Variants in CARMIL1 observed in about 807,000 individuals in gnomAD.
CARMIL1 encodes F-actin-uncapping protein LRRC16A.
Under a neutral mutation model 177.1 loss-of-function variants are expected in CARMIL1, and 90 were observed. The ratio of observed to expected loss-of-function variants is 0.51; its 90% CI spans 0.43 to 0.61. CARMIL1 has a LOEUF of 0.61. Among genes scored for constraint, CARMIL1 ranks in the 20% least tolerant of loss-of-function variants. The pLI, the probability that CARMIL1 is intolerant of heterozygous loss-of-function variation, is 0.00. For missense variants in CARMIL1, 1,380 were observed against 1,667.0 expected (o/e 0.83, Z 3.00); for synonymous variants, 577 against 606.2 (o/e 0.95, Z 0.71).
intron 2 of CARMIL1, among the ~76,000 whole-genome samples, chr6:25,411,118 A>G (rs914664073): frequency 1.1e-4 from 17 of 152,196 alleles, no homozygotes; most frequent in African/African-American, 4.1e-4. Context: ...CTGTGACTCT[A>G]TTACTTGTGA....
chr6:25,577,461 T>A lies in CARMIL1; in HGVS notation c.2743-3463T>A, dbSNP rs1258267386. 6.6e-6 allele frequency among the ~76,000 whole-genome samples: 1 copy of A among 152,102 alleles called. No individual in the cohort carries two copies. Among genetic ancestry groups the A allele is most frequent in the Non-Finnish European group, 1.5e-5 (1 of 68,018 alleles). On this transcript the variant is annotated intron_variant, in intron 29 of 36. Coordinates refer to ENST00000329474, the MANE Select transcript of CARMIL1 (RefSeq NM_017640.6). This position sits in a 1 kb window ranked among gnomAD's most constrained non-coding sequence, Gnocchi z 4.5. The stretch of plus-strand genomic sequence containing the variant: ...AGCTGGTATTGTTATTTTTTTTTTC[T>A]TTCTACAGCCTTGGTGGTGGGGGGA...
At chr6:25,466,743 A>G (rs566932640) in intron 9 of CARMIL1, among the ~76,000 whole-genome samples, 9 of 152,246 alleles carry the variant, frequency 5.9e-5, no homozygotes, top group Non-Finnish European at 8.8e-5. Context: ...GAGACTGGCT[A>G]GTGGGCAGGC....
chr6:25,456,544 C>CA (rs35153553), intron 8 of CARMIL1, among the ~76,000 whole-genome samples: 1 of 151,620 alleles, frequency 6.6e-6, no homozygotes, highest in African/African-American at 2.4e-5. Context: ...ATCAGTAGGC[C>CA]AAAAAAAGGC....
chr6:25,528,719 C>T lies in CARMIL1; in HGVS notation c.1969-76C>T, dbSNP rs1807410712. 20 of 1,102,964 alleles carry T rather than the reference C, an allele frequency of 1.8e-5. 1 individual carries two copies. In the South Asian group the frequency reaches 2.7e-4, roughly 15 times the overall value. The allele number at this position is 1,102,964 out of a possible 1,614,324, so 68.3% of individuals were successfully genotyped here. A position where few individuals can be genotyped will look rare whatever the true frequency, so the allele number is the denominator to read the frequency against. On this transcript the variant is annotated intron_variant, in intron 23 of 36. Transcript: ENST00000329474. ...ACGCTTCGGTTTTTAAGTTCGGCAA[C>T]TGACTGTTTCACTTATACTTTATTC... is the stretch of plus-strand genomic sequence containing the variant.
At chr6:25,413,530 C>T (rs376442249) in intron 2 of CARMIL1, among the ~76,000 whole-genome samples, 4 of 152,180 alleles carry the variant, frequency 2.6e-5, no homozygotes, top group East Asian at 3.8e-4. Flanking sequence ...ATAGGCTTCT[C>T]TGCTAAACTG....
At chr6:25,327,528 T>C (rs9356976) in intron 2 of CARMIL1, among the ~76,000 whole-genome samples, 40,492 of 151,892 alleles carry the variant, frequency 0.27, 5,745 homozygotes, top group African/African-American at 0.38. Flanking sequence ...TTCCAAACAG[T>C]AAGTTTTCAT....
chr6:25,542,916 TG>T (rs1334002068), intron 26 of CARMIL1, among the ~76,000 whole-genome samples: 3 of 152,234 alleles, frequency 2.0e-5, no homozygotes, highest in Non-Finnish European at 4.4e-5. Flanking sequence ...TGGCTGTTAC[TG>T]AATTCACTAC....
At chr6:25,529,639 A>G (rs1582259648) in intron 24 of CARMIL1, among the ~76,000 whole-genome samples, 1 of 151,416 alleles carries the variant, frequency 6.6e-6, no homozygotes, top group African/African-American at 2.4e-5. Flanking sequence ...TACATCCATA[A>G]AATAAGAATA....
intron 2 of CARMIL1, among the ~76,000 whole-genome samples, chr6:25,319,667 A>G (rs1784536866): frequency 6.6e-6 from 1 of 151,862 alleles, no homozygotes; most frequent in African/African-American, 2.4e-5. Flanking sequence ...TCAAAGGAGT[A>G]GATGACTCCT....
intron 23 of CARMIL1, among the ~76,000 whole-genome samples, chr6:25,526,466 C>T (rs547364527): frequency 6.6e-5 from 10 of 151,172 alleles, no homozygotes; most frequent in African/African-American, 2.4e-4. Flanking sequence ...TTTTCTCTCC[C>T]CTCCCCTTTC....
In CARMIL1 at chr6:25,554,119, G is replaced by A. The variant is rs1810392447; in HGVS notation, c.2592+23G>A. The A allele has an allele frequency of 6.6e-7, 1 of 1,525,424 alleles. No individual in the cohort carries two copies. The highest frequency in any genetic ancestry group is 1.4e-5 in the African/African-American group (1 of 73,052). The allele number at this position is 1,525,424 out of a possible 1,614,324, so 94.5% of individuals were successfully genotyped here. On this transcript the variant is annotated intron_variant, in intron 28 of 36. Transcript: ENST00000329474. This position sits in a 1 kb window ranked among gnomAD's most constrained non-coding sequence, Gnocchi z 4.6. The stretch of plus-strand genomic sequence containing the variant: ...CTGGTGAGTGCTGTGCACATCTTGA[G>A]CAGGACCTCCTGTTTCAGCTCTGCT...
chr6:25,390,131 T>A (rs1309788585), intron 2 of CARMIL1, among the ~76,000 whole-genome samples: 1 of 152,054 alleles, frequency 6.6e-6, no homozygotes, highest in African/African-American at 2.4e-5. Flanking sequence ...TATTTTGAGA[T>A]CTCATTATTT....
At chr6:25,601,766 T>C (rs3804116) in intron 33 of CARMIL1, among the ~76,000 whole-genome samples, 61,471 of 152,096 alleles carry the variant, frequency 0.4, 12,780 homozygotes, top group Non-Finnish European at 0.46. Flanking sequence ...ATTCTTCAAA[T>C]CTCCTTTTAA....
Position 25,510,695 on chromosome 6 carries a change from A to G in CARMIL1, c.1578-13A>G, listed in dbSNP as rs189323854. 56 of 1,541,538 alleles carry G rather than the reference A, an allele frequency of 3.6e-5. No homozygotes were observed. The African/African-American group carries it at 6.7e-4, about 18-fold the overall frequency. ...ATTTGATTCCACTGTCCACATCTCT[A>G]AAATCTCTTTAGAAATCTGACACCT... is the stretch of plus-strand genomic sequence containing the variant. On this transcript the variant is annotated splice_polypyrimidine_tract_variant and intron_variant, in intron 19 of 36. Transcript: ENST00000329474.
chr6:25,327,911 T>G (rs1441925478), intron 2 of CARMIL1, among the ~76,000 whole-genome samples: 1 of 152,248 alleles, frequency 6.6e-6, no homozygotes, highest in African/African-American at 2.4e-5. Flanking sequence ...AATATTAGAA[T>G]GTTCTACTTT....
chr6:25,303,050 G>C (rs1396222206), intron 2 of CARMIL1, among the ~76,000 whole-genome samples: 1 of 151,798 alleles, frequency 6.6e-6, no homozygotes, highest in African/African-American at 2.4e-5. Context: ...TTCTGTTTGC[G>C]AAGGCTTGGT....
intron 29 of CARMIL1, among the ~76,000 whole-genome samples, chr6:25,574,579 T>C (rs957448782): frequency 7.9e-5 from 12 of 152,260 alleles, no homozygotes; most frequent in Non-Finnish European, 1.5e-5. Context: ...TGAGGCACTC[T>C]CATGAGTTCA....
intron 2 of CARMIL1, among the ~76,000 whole-genome samples, chr6:25,293,892 C>T (rs950112705): frequency 2.0e-5 from 3 of 152,050 alleles, no homozygotes; most frequent in African/African-American, 4.8e-5. Context: ...TGGCTAATTT[C>T]TGTATTTTTT....
intron 2 of CARMIL1, among the ~76,000 whole-genome samples, chr6:25,365,696 G>A (rs1209195667): frequency 6.6e-6 from 1 of 152,108 alleles, no homozygotes; most frequent in Non-Finnish European, 1.5e-5. Flanking sequence ...GGGACTATAG[G>A]CATGTGCCAC....
Sources: allele counts gnomAD v4.1 joint callset (sites outside exome capture counted in the v4.1 genomes callset), GRCh38; gene constraint gnomAD v4.1.1; non-coding constraint Gnocchi (gnomAD v3.1); transcripts MANE v1.5; gene names NCBI Gene and HGNC (gene_info 2026-07-23, HGNC 2026-07-21).